ADGRV1: variants seen among roughly 807,000 people sequenced by gnomAD.
ADGRV1 encodes the protein adhesion G protein-coupled receptor V1.
A neutral mutation model predicts 596.2 loss-of-function variants in ADGRV1; 359 were observed. That is an observed-to-expected ratio of 0.60 (90% CI 0.55 to 0.66). The LOEUF (loss-of-function observed/expected upper bound fraction) is 0.66, where lower values mean the gene tolerates loss of function less well. ADGRV1 is among the 30% of genes least tolerant of loss of function. The pLI is 0.00. For synonymous variants in ADGRV1, 2,681 were observed against 2,679.2 expected, an observed-to-expected ratio of 1.00 and a Z score of -0.02; for missense variants, 7,274 against 7,575.6, an observed-to-expected ratio of 0.96 and a Z score of 1.48.
chr5:90,739,318 T>C (rs1753660547), intron 50 of ADGRV1, among the ~76,000 whole-genome samples: 1 of 152,194 alleles, frequency 6.6e-6, no homozygotes, highest in Non-Finnish European at 1.5e-5. Flanking sequence ...AGATCCATTA[T>C]TGGAACTTTA....
rs756432948 is a variant in ADGRV1 at position 90,753,761 on chromosome 5, A to G, written c.11309A>G (p.Asn3770Ser). Residue 3770 changes from asparagine (N) to serine (S), a missense_variant, in exon 54 of 90, where the codon AAT (asparagine) becomes AGT (serine). By Grantham distance (46) the Asn-to-Ser change is conservative. Around this residue, in one of 5 missense-constraint regions of ADGRV1, gnomAD observed 3,643 missense variants for 3,809.2 expected, o/e 0.96. Transcript: ENST00000405460. ...AAGTCTGTTATAACAACTTTGCCCA[A>G]TGACTCACCTTTTGGCTTGGTGGGC... ...RSKSVITTLP[N>S]DSPFGLVGWR... 1.7e-5 allele frequency: 27 copies of G among 1,613,298 alleles called. No homozygotes were observed. The highest frequency in any genetic ancestry group is 9.3e-5 in the African/African-American group (7 of 74,908).
At chr5:90,852,546 C>G (rs1766633835) in intron 79 of ADGRV1, among the ~76,000 whole-genome samples, 1 of 152,126 alleles carries the variant, frequency 6.6e-6, no homozygotes, top group Admixed American at 6.5e-5. Context: ...GGACTGGTTA[C>G]AAATATAAAT....
At chr5:90,575,294 C>T (rs1757056802) in intron 1 of ADGRV1, among the ~76,000 whole-genome samples, 1 of 151,940 alleles carries the variant, frequency 6.6e-6, no homozygotes, top group South Asian at 2.1e-4. Context: ...CACTCTGTCA[C>T]CCAGGCTGGA....
At chr5:91,149,574 G>A (rs1459099701) in intron 87 of ADGRV1, among the ~76,000 whole-genome samples, 1 of 152,104 alleles carries the variant, frequency 6.6e-6, no homozygotes, top group African/African-American at 2.4e-5. Context: ...GCTCACACCT[G>A]TAATCCCAGC....
intron 83 of ADGRV1, among the ~76,000 whole-genome samples, chr5:90,873,675 G>C (rs1020046974): frequency 6.6e-6 from 1 of 152,108 alleles, no homozygotes; most frequent in Admixed American, 6.5e-5. Flanking sequence ...GCACGCTGTA[G>C]TCCCAGCTGC....
At chr5:90,598,084 A>G (rs1760935350) in intron 1 of ADGRV1, among the ~76,000 whole-genome samples, 1 of 152,178 alleles carries the variant, frequency 6.6e-6, no homozygotes, top group African/African-American at 2.4e-5. Context: ...TGGAGGGCGT[A>G]GTTGGGAGGC....
intron 39 of ADGRV1, among the ~76,000 whole-genome samples, chr5:90,709,293 G>A (rs1749023320): frequency 6.6e-6 from 1 of 151,836 alleles, no homozygotes; most frequent in Non-Finnish European, 1.5e-5. Flanking sequence ...CTTCTTTGTT[G>A]CTTTATTGTG....
chr5:90,764,715 G>A (rs941131290), intron 59 of ADGRV1, among the ~76,000 whole-genome samples: 40 of 152,144 alleles, frequency 2.6e-4, no homozygotes, highest in African/African-American at 8.0e-4. Flanking sequence ...GCTTCCCAAC[G>A]TCAGAGCCAG....
At chr5:90,662,234 C>T (rs1770441861) in intron 21 of ADGRV1, among the ~76,000 whole-genome samples, 1 of 146,040 alleles carries the variant, frequency 6.8e-6, no homozygotes. Context: ...CTGTCGCCCA[C>T]CCAGGCTGGA....
At chr5:91,065,057 C>T (rs960002374) in intron 85 of ADGRV1, among the ~76,000 whole-genome samples, 2 of 152,154 alleles carry the variant, frequency 1.3e-5, no homozygotes, top group Admixed American at 6.5e-5. Context: ...CATCTGTATT[C>T]TTCAACTAAT....
chr5:90,734,581 A>ATTTTTT (rs3045850), intron 50 of ADGRV1, among the ~76,000 whole-genome samples: 2 of 101,108 alleles, frequency 2.0e-5, no homozygotes, highest in African/African-American at 3.8e-5. Context: ...TCTTTAGCCT[A>ATTTTTT]TTTTTTTTTT....
chr5:90,658,138 G>A lies in ADGRV1; in HGVS notation c.4612G>A (p.Glu1538Lys). ...AAGAGATGACAATGACGAGGAAGGA[G>A]AAGAATTATTCATTCTTAAACTAGT... ...SARDDNDEEGEELFILKLVSV... is the reference protein window; with the variant it reads ...SARDDNDEEGKELFILKLVSV... The change falls in exon 21 of 90, where the codon GAA becomes AAA. Residue 1538 changes from glutamate (E) to lysine (K), a missense_variant. Physicochemically the swap from Glu to Lys is moderately conservative, Grantham distance 56. This residue lies in a region of ADGRV1 where 3,643 missense variants were observed against 3,809.2 expected (regional missense o/e 0.96). Coordinates refer to ENST00000405460, the MANE Select transcript of ADGRV1 (RefSeq NM_032119.4). The A allele has an allele frequency of 1.2e-6, 2 of 1,613,542 alleles. No homozygotes were observed. Among genetic ancestry groups the A allele is most frequent in the Non-Finnish European group, 1.7e-6 (2 of 1,179,566 alleles).
At position 90,985,378 on chromosome 5, in the gene ADGRV1, A is replaced by G; in HGVS notation, c.18008A>G (p.Asp6003Gly). 2.5e-6 allele frequency: 4 copies of G among 1,613,442 alleles called. No individual in the cohort carries two copies. The highest frequency in any genetic ancestry group is 3.4e-6 in the Non-Finnish European group (4 of 1,179,610). ...VNFWYVLVMN[D>G]EHTERRYLLF... is the part of the protein sequence containing the mutation. Reference sequence around the variant, plus strand: ...TTCTGGTACGTGCTGGTGATGAATGATGAGCACACAGAGAGGCGATATCTG... The same window carrying G: ...TTCTGGTACGTGCTGGTGATGAATGGTGAGCACACAGAGAGGCGATATCTG... The change falls in exon 85 of 90, where the codon GAT (aspartate) becomes GGT (glycine). Residue 6003 changes from aspartate to glycine, a missense_variant. Transcript: ENST00000405460.
At chr5:90,703,865 G>A (rs1748235307) in intron 35 of ADGRV1, 70 bp downstream of exon 35, 2 of 1,101,432 alleles carry the variant, frequency 1.8e-6, no homozygotes, top group Admixed American at 5.3e-5. Context: ...AAATGGGATA[G>A]AAAAGCAGCA....
chr5:90,684,480 G>A (rs1183153516), intron 28 of ADGRV1, among the ~76,000 whole-genome samples: 2 of 152,004 alleles, frequency 1.3e-5, no homozygotes, highest in Non-Finnish European at 2.9e-5. Flanking sequence ...TCTGATTTCT[G>A]GATGAGTGGA....
At chr5:90,570,534 G>GTCT (rs147574186) in intron 1 of ADGRV1, among the ~76,000 whole-genome samples, 10,159 of 152,054 alleles carry the variant, frequency 0.067, 1,006 homozygotes, top group African/African-American at 0.23. Context: ...TCTGTTGTTA[G>GTCT]TCTTCTTCTG....
chr5:90,607,208 G>A (rs1415436741), intron 1 of ADGRV1, among the ~76,000 whole-genome samples: 1 of 152,200 alleles, frequency 6.6e-6, no homozygotes, highest in African/African-American at 2.4e-5. Flanking sequence ...AGAAAGCTTA[G>A]CAGTAAGCTA....
intron 83 of ADGRV1, among the ~76,000 whole-genome samples, chr5:90,871,335 G>A: frequency 6.6e-6 from 1 of 151,860 alleles, no homozygotes; most frequent in East Asian, 1.9e-4. Flanking sequence ...TATCAAATTT[G>A]TCTTTCTTAA....
At chr5:90,587,635 C>A (rs1758943632) in intron 1 of ADGRV1, among the ~76,000 whole-genome samples, 1 of 150,050 alleles carries the variant, frequency 6.7e-6, no homozygotes, top group Non-Finnish European at 1.5e-5. Context: ...TCGCTCACTG[C>A]AACCTCTGCC....
Sources: gnomAD v4.1 joint callset for allele counts (sites outside exome capture counted in the v4.1 genomes callset) on GRCh38, gnomAD v4.1.1 for gene constraint, gnomAD v4.1.1 regional missense constraint, MANE v1.5 for transcripts, NCBI Gene and HGNC (gene_info 2026-07-23, HGNC 2026-07-21) for gene names.